ACVR2A: variants seen among roughly 807,000 people sequenced by gnomAD.
The protein encoded by ACVR2A is activin A receptor type 2A, also known as activin receptor type-2A.
A neutral mutation model predicts 61.4 loss-of-function variants in ACVR2A; 7 were observed. The observed-to-expected ratio is 0.11, with a 90% CI of 0.06 to 0.21. The LOEUF (loss-of-function observed/expected upper bound fraction) is 0.21. Among genes scored for constraint, ACVR2A ranks in the 10% least tolerant of loss-of-function variants. The probability of loss-of-function intolerance (pLI) is 1.00; values close to 1 mark genes in which losing one functional copy is unlikely to be tolerated. For missense variants in ACVR2A, 322 were observed against 621.7 expected, an observed-to-expected ratio of 0.52 and a Z score of 5.13; for synonymous variants, 193 against 208.3, an observed-to-expected ratio of 0.93 and a Z score of 0.63.
chr2:147,929,488 A>G lies in ACVR2A; in HGVS notation c.*2214A>G, dbSNP rs1687600727. The G allele has an allele frequency of 6.6e-6, 1 of 152,532 alleles. No individual in the cohort carries two copies. Among genetic ancestry groups the G allele is most frequent in the South Asian group, 2.1e-4 (1 of 4,826 alleles). 9.4% of individuals were successfully genotyped at this position (152,532 alleles called of 1,614,324 possible). A position where few individuals can be genotyped will look rare whatever the true frequency, so the allele number is the denominator to read the frequency against. On this transcript the variant is annotated 3_prime_UTR_variant, in exon 11 of 11. Transcript: ENST00000241416. ...CAATATAAAATGTTTTCAAGTTAGA[A>G]AAAATTTTTAGAAATCCTGGGTATT...
At chr2:147,925,640 C>T (rs1220103601) in intron 9 of ACVR2A, 1 of 158,066 alleles carries the variant, frequency 6.3e-6, no homozygotes, top group African/African-American at 2.4e-5. Flanking sequence ...CTAGAGCCTC[C>T]AGAGCTGGAA....
At chr2:147,924,418 G>A (rs756700239) in intron 9 of ACVR2A, among the ~76,000 whole-genome samples, 1 of 151,910 alleles carries the variant, frequency 6.6e-6, no homozygotes, top group African/African-American at 2.4e-5. Context: ...CCAGTACATA[G>A]GTATTCAATA....
At chr2:147,917,481 A>G (rs557051240) in intron 6 of ACVR2A, 55 bp downstream of exon 6, 277 of 1,577,716 alleles carry the variant, frequency 1.8e-4, no homozygotes, top group Admixed American at 8.9e-5. Flanking sequence ...TGCCTACCTA[A>G]TGCTGGCTAT....
At chr2:147,905,252 CT>C (rs1686961613) in intron 4 of ACVR2A, among the ~76,000 whole-genome samples, 1 of 151,880 alleles carries the variant, frequency 6.6e-6, no homozygotes, top group Non-Finnish European at 1.5e-5. Context: ...CCACAACTGG[CT>C]TATTTTAATT....
chr2:147,899,546 C>T lies in ACVR2A; in HGVS notation c.352C>T (p.Pro118Ser). ...NMCNEKFSYF[P>S]EMEVTQPTSN... ...GTGTAATGAAAAGTTTTCTTATTTT[C>T]CGGAGATGGAAGTCACACAGCGTAA... The change falls in exon 3 of 11, where the codon CCG (proline) becomes TCG (serine). Residue 118 changes from proline (P) to serine (S), a missense_variant. Transcript: ENST00000241416. 1 of 1,612,956 alleles carries T rather than the reference C, an allele frequency of 6.2e-7. No homozygotes were observed. Among genetic ancestry groups the T allele is most frequent in the Non-Finnish European group, 8.5e-7 (1 of 1,179,412 alleles).
chr2:147,875,156 A>T (rs1024350018), intron 1 of ACVR2A, among the ~76,000 whole-genome samples: 7 of 151,854 alleles, frequency 4.6e-5, no homozygotes, highest in Admixed American at 2.0e-4. Flanking sequence ...AGTATTATAA[A>T]TTTTTTTCTC....
intron 1 of ACVR2A, among the ~76,000 whole-genome samples, chr2:147,861,372 A>G (rs1685724300): frequency 6.6e-6 from 1 of 152,202 alleles, no homozygotes; most frequent in African/African-American, 2.4e-5. Context: ...ATTCTAGAAC[A>G]TCATCTGGTG....
chr2:147,898,420 TTA>T (rs1289005150), intron 2 of ACVR2A: 1 of 152,146 alleles, frequency 6.6e-6, no homozygotes, highest in Non-Finnish European at 1.5e-5. Context: ...GTTTTTAAAT[TTA>T]TATATTTCTC....
intron 4 of ACVR2A, among the ~76,000 whole-genome samples, chr2:147,913,690 C>G (rs1687175582): frequency 6.6e-6 from 1 of 151,212 alleles, no homozygotes; most frequent in South Asian, 2.1e-4. Flanking sequence ...TCTTGTGTCC[C>G]CTCCACTGAG....
At position 147,926,173 on chromosome 2, in the gene ACVR2A, A is replaced by T; in HGVS notation, c.1347+12A>T. The T allele has an allele frequency of 6.3e-7, 1 of 1,596,442 alleles. No individual in the cohort carries two copies. Among genetic ancestry groups the T allele is most frequent in the African/African-American group, 1.4e-5 (1 of 73,736 alleles). ...GGCAGAAACATGCTGTAAGTTATCC[A>T]GTTAGCTTTTCATTTGAAATTCCAA... On this transcript the variant is annotated intron_variant, in intron 10 of 10. Coordinates refer to ENST00000241416, the MANE Select transcript of ACVR2A (RefSeq NM_001616.5).
At chr2:147,851,182 C>G (rs138951783) in intron 1 of ACVR2A, among the ~76,000 whole-genome samples, 1 of 152,112 alleles carries the variant, frequency 6.6e-6, no homozygotes, top group Non-Finnish European at 1.5e-5. Context: ...CTTTCACTGA[C>G]TGTGAGTCAC....
At chr2:147,865,888 G>A (rs544080373) in intron 1 of ACVR2A, among the ~76,000 whole-genome samples, 46 of 152,290 alleles carry the variant, frequency 3.0e-4, no homozygotes, top group Middle Eastern at 6.8e-3. Flanking sequence ...TTGGAGTGGG[G>A]TCAGGTAATT....
chr2:147,922,322 C>T (rs932360228), intron 8 of ACVR2A, among the ~76,000 whole-genome samples: 1 of 152,082 alleles, frequency 6.6e-6, no homozygotes, highest in Admixed American at 6.6e-5. Context: ...ATCTAGACTA[C>T]TCTCTAGTTC....
chr2:147,854,089 G>C (rs1327877475), intron 1 of ACVR2A, among the ~76,000 whole-genome samples: 1 of 152,020 alleles, frequency 6.6e-6, no homozygotes, highest in Non-Finnish European at 1.5e-5. Context: ...TATAGATTTG[G>C]TTCTTGGGGG....
intron 1 of ACVR2A, among the ~76,000 whole-genome samples, chr2:147,865,396 G>A (rs1462887836): frequency 6.6e-6 from 1 of 152,082 alleles, no homozygotes; most frequent in Non-Finnish European, 1.5e-5. Flanking sequence ...CTAATCTAAA[G>A]CATTCTTATT....
intron 1 of ACVR2A, among the ~76,000 whole-genome samples, chr2:147,862,508 C>T (rs1685751217): frequency 6.6e-6 from 1 of 152,148 alleles, no homozygotes; most frequent in Non-Finnish European, 1.5e-5. Flanking sequence ...CTTTGGGAGG[C>T]AGAGGCGGGC....
chr2:147,927,145 A>T lies in ACVR2A; in HGVS notation c.1413A>T (p.Ser471=). ...CWDHDAEARL[S]AGCVGERITQ... is the part of the protein sequence containing the mutation. ...ATCACGACGCAGAAGCCAGGTTATC[A>T]GCTGGATGTGTAGGTGAAAGAATTA... is the stretch of plus-strand genomic sequence containing the variant. The change falls in exon 11 of 11, where the codon TCA becomes TCT. Residue 471 remains serine (S), a synonymous_variant. Coordinates refer to ENST00000241416, the MANE Select transcript of ACVR2A (RefSeq NM_001616.5). The T allele has an allele frequency of 6.2e-7, 1 of 1,612,424 alleles. No individual in the cohort carries two copies. Among genetic ancestry groups the T allele is most frequent in the African/African-American group, 1.3e-5 (1 of 74,926 alleles).
At chr2:147,887,910 A>T (rs991129909) in intron 1 of ACVR2A, among the ~76,000 whole-genome samples, 22 of 152,186 alleles carry the variant, frequency 1.4e-4, no homozygotes, top group African/African-American at 4.8e-4. Flanking sequence ...TATTATGCAT[A>T]CCTTGAGAAA....
chr2:147,880,467 T>A (rs957829611), intron 1 of ACVR2A, among the ~76,000 whole-genome samples: 3 of 152,196 alleles, frequency 2.0e-5, no homozygotes, highest in Non-Finnish European at 2.9e-5. Flanking sequence ...AACATGATTT[T>A]AAAAATAATA....
Sources: gnomAD v4.1 joint callset for allele counts (sites outside exome capture counted in the v4.1 genomes callset) on GRCh38, gnomAD v4.1.1 for gene constraint, MANE v1.5 for transcripts, NCBI Gene and HGNC (gene_info 2026-07-23, HGNC 2026-07-21) for gene names.